Variants in ATP13A4 observed in about 807,000 individuals in gnomAD.
ATP13A4 encodes probable cation-transporting ATPase 13A4.
ATP13A4 carries 114 observed loss-of-function variants against 142.5 expected under a neutral mutation model. That is an observed-to-expected ratio of 0.80 (90% CI 0.69 to 0.93). ATP13A4 has a LOEUF of 0.93. Among genes scored for constraint, ATP13A4 ranks in the 40% least tolerant of loss-of-function variants. The pLI is 0.00. For synonymous variants in ATP13A4, 488 were observed against 514.8 expected, an observed-to-expected ratio of 0.95 and a Z score of 0.70; for missense variants, 1,392 against 1,454.0, an observed-to-expected ratio of 0.96 and a Z score of 0.69.
Position 193,577,313 on chromosome 3 carries a change from T to C in ATP13A4, n.291+4394A>G, listed in dbSNP as rs145441011. 1.9e-4 allele frequency among the ~76,000 whole-genome samples: 29 copies of C among 152,364 alleles called. No homozygotes were observed. The East Asian group carries it at 5.4e-3, about 28-fold the overall frequency. The stretch of plus-strand genomic sequence containing the variant: ...CACTCCCACTACTTATCCAGGCAAA[T>C]GATTTGCTTATTGAGCCCTAAGTAT... On this transcript the variant is annotated intron_variant and non_coding_transcript_variant, in intron 2 of 3. Transcript: ENST00000489140.
intron 25 of ATP13A4, 22 bp downstream of exon 25, chr3:193,433,823 A>G (rs1432584842): frequency 1.3e-6 from 2 of 1,596,812 alleles, no homozygotes; most frequent in Non-Finnish European, 1.7e-6. Flanking sequence ...ACCTCTGGTA[A>G]GAAAGTTTTA....
At chr3:193,431,984 T>C (rs1716002516) in intron 25 of ATP13A4, among the ~76,000 whole-genome samples, 1 of 151,988 alleles carries the variant, frequency 6.6e-6, no homozygotes, top group South Asian at 2.1e-4. Flanking sequence ...AAAGTGGGTA[T>C]ACATAACTGT....
chr3:193,576,192 G>A (rs1724388203), intron 2 of ATP13A4, among the ~76,000 whole-genome samples: 1 of 146,816 alleles, frequency 6.8e-6, no homozygotes, highest in Non-Finnish European at 1.5e-5. Flanking sequence ...GAATGTACAG[G>A]AATCTTGAAG....
upstream of ATP13A4, chr3:193,555,175 C>G: frequency 2.8e-6 from 1 of 358,938 alleles, no homozygotes; most frequent in Non-Finnish European, 5.4e-6. Context: ...CAGGACAATA[C>G]AGAGTTGGCA....
intron 3 of ATP13A4, among the ~76,000 whole-genome samples, chr3:193,499,115 C>T (rs562739722): frequency 1.1e-4 from 16 of 152,292 alleles, no homozygotes; most frequent in African/African-American, 3.9e-4. Flanking sequence ...TTCAAAGTTA[C>T]CAAATAGCAT....
Position 193,402,737 on chromosome 3 carries a change from T to G in ATP13A4, c.3506A>C (p.Gln1169Pro). The G allele has an allele frequency of 6.3e-7, 1 of 1,595,006 alleles. No homozygotes were observed. The highest frequency in any genetic ancestry group is 1.7e-4 in the Middle Eastern group (1 of 6,036). Residue 1169 changes from glutamine (Q) to proline (P), a missense_variant, in exon 30 of 30, where the codon CAA becomes CCA. Coordinates refer to ENST00000342695, the MANE Select transcript of ATP13A4 (RefSeq NM_032279.4). ...CTCCGGCATGTCAGAGTGGGAGGTT[T>G]GGTTTAGCGGGGGCCAACTAGGGTC... ...ANDPSWPPLN[Q>P]TSHSDMPECG...
chr3:193,576,249 C>CTT (rs59910562), intron 2 of ATP13A4, among the ~76,000 whole-genome samples: 6,906 of 54,500 alleles, frequency 0.13, 2,055 homozygotes, highest in Middle Eastern at 0.22. Flanking sequence ...TTGAATCAAT[C>CTT]TTTTTTTTTT....
intron 2 of ATP13A4, among the ~76,000 whole-genome samples, chr3:193,576,478 A>G (rs1234568724): frequency 1.3e-5 from 2 of 150,002 alleles, no homozygotes; most frequent in African/African-American, 4.9e-5. Context: ...TCACCCTGTT[A>G]GCCAGGATGG....
Position 193,402,307 on chromosome 3 carries a change from C to T in ATP13A4, c.*345G>A. ...TATACACAGTACTACTTCCCCTCAA[C>T]TCATTTTTATAAAAAGGAAAGTATT... On this transcript the variant is annotated 3_prime_UTR_variant, in exon 30 of 30. Transcript: ENST00000342695. The T allele has an allele frequency of 3.6e-6, 1 of 277,944 alleles. No individual in the cohort carries two copies. 17.2% of individuals were successfully genotyped at this position (277,944 alleles called of 1,614,324 possible).
chr3:193,496,443 A>G (rs983262240), intron 3 of ATP13A4, among the ~76,000 whole-genome samples: 1 of 152,228 alleles, frequency 6.6e-6, no homozygotes, highest in Non-Finnish European at 1.5e-5. Flanking sequence ...CTAGTTTTCA[A>G]CAAAGGCGCC....
At chr3:193,500,698 G>A (rs566245577) in intron 3 of ATP13A4, among the ~76,000 whole-genome samples, 2 of 152,286 alleles carry the variant, frequency 1.3e-5, no homozygotes, top group East Asian at 1.9e-4. Context: ...GTGTGGCCTG[G>A]TTCCTAACAG....
chr3:193,550,083 T>G (rs1336152167), intron 1 of ATP13A4, among the ~76,000 whole-genome samples: 1 of 152,190 alleles, frequency 6.6e-6, no homozygotes, highest in Admixed American at 6.5e-5. Context: ...CCCGTTGTAG[T>G]ATCCACAGAT....
intron 2 of ATP13A4, among the ~76,000 whole-genome samples, chr3:193,503,575 G>T (rs1720679491): frequency 6.6e-6 from 1 of 152,178 alleles, no homozygotes. Flanking sequence ...GCTGGAAATT[G>T]TCTCCACCAC....
chr3:193,518,439 G>A (rs956656891), intron 1 of ATP13A4, among the ~76,000 whole-genome samples: 8 of 152,262 alleles, frequency 5.3e-5, no homozygotes, highest in African/African-American at 1.7e-4. Context: ...CTAGATAAAA[G>A]AAAACCATAT....
chr3:193,489,176 T>C (rs1256424861), intron 7 of ATP13A4, among the ~76,000 whole-genome samples: 1 of 152,100 alleles, frequency 6.6e-6, no homozygotes, highest in African/African-American at 2.4e-5. Context: ...GCACCTTGAT[T>C]AGAGATGAAC....
intron 16 of ATP13A4, among the ~76,000 whole-genome samples, chr3:193,454,970 A>G (rs112442377): frequency 7.9e-5 from 12 of 152,278 alleles, no homozygotes; most frequent in African/African-American, 2.9e-4. Flanking sequence ...GCATCCAACA[A>G]AGGTCTAATA....
chr3:193,433,220 C>T (rs185157177), intron 25 of ATP13A4, among the ~76,000 whole-genome samples: 89 of 152,250 alleles, frequency 5.8e-4, no homozygotes, highest in Non-Finnish European at 1.2e-3. Flanking sequence ...TTGTGAGGAA[C>T]GCTGATAGTA....
chr3:193,573,308 C>CGTATATATATATATTCTTATATATAT (rs1229145689), intron 2 of ATP13A4, among the ~76,000 whole-genome samples: 5 of 103,658 alleles, frequency 4.8e-5, no homozygotes, highest in African/African-American at 2.4e-4. Flanking sequence ...TATATATATA[C>CGTATATATATATATTCTTATATATAT]ATATATATAT....
At chr3:193,534,133 A>C (rs1722472062) in intron 1 of ATP13A4, among the ~76,000 whole-genome samples, 1 of 152,202 alleles carries the variant, frequency 6.6e-6, no homozygotes. Flanking sequence ...ACCAGTAATA[A>C]GGACCCCTTG....
Sources: allele counts gnomAD v4.1 joint callset (sites outside exome capture counted in the v4.1 genomes callset), GRCh38; gene constraint gnomAD v4.1.1; transcripts MANE v1.5; gene names NCBI Gene and HGNC (gene_info 2026-07-23, HGNC 2026-07-21).